NSD2: variants seen among roughly 807,000 people sequenced by gnomAD.
The protein encoded by NSD2 is histone-lysine N-methyltransferase NSD2.
In NSD2, 12 loss-of-function variants were observed where a neutral mutation model predicts 139.0. That is an observed-to-expected ratio of 0.09 (90% CI 0.06 to 0.14). The LOEUF (loss-of-function observed/expected upper bound fraction) is 0.14. Ranked by LOEUF, NSD2 falls within the 10% of genes least tolerant of loss-of-function variation. NSD2 has a pLI of 1.00. For missense variants in NSD2, 1,155 were observed against 1,745.0 expected (o/e 0.66, Z 6.02); for synonymous variants, 669 against 648.7 (o/e 1.03, Z -0.48).
At chr4:1,896,322 C>T (rs930212347) in intron 1 of NSD2, among the ~76,000 whole-genome samples, 44 of 152,370 alleles carry the variant, frequency 2.9e-4, no homozygotes, top group African/African-American at 1.1e-3. Context: ...GCCTATGAGG[C>T]TCCAGACTGC....
At chr4:1,959,335 A>T in intron 16 of NSD2, 136 bp from the exon 17 acceptor site, 1 of 914,750 alleles carries the variant, frequency 1.1e-6, no homozygotes, top group Non-Finnish European at 1.7e-6. Context: ...TGTTCTGAGT[A>T]GTGTGTCCTA....
In NSD2 at chr4:1,978,956, G is replaced by T; in HGVS notation, c.*47G>T. 2 of 1,447,766 alleles carry T rather than the reference G, an allele frequency of 1.4e-6. No individual in the cohort carries two copies. Among genetic ancestry groups the T allele is most frequent in the Non-Finnish European group, 1.8e-6 (2 of 1,098,210 alleles). 89.7% of individuals were successfully genotyped at this position (1,447,766 alleles called of 1,614,324 possible). On this transcript the variant is annotated 3_prime_UTR_variant, in exon 22 of 22. Transcript: ENST00000508803. The stretch of plus-strand genomic sequence containing the variant: ...GATCCAGGGGCGGTGCAGGGCGGCC[G>T]GCCCTGCCTGCGGGAGAGGGCGAGC...
intron 1 of NSD2, among the ~76,000 whole-genome samples, chr4:1,891,856 CA>C (rs74332369): frequency 9.5e-4 from 56 of 59,176 alleles, no homozygotes; most frequent in Admixed American, 1.2e-3. Flanking sequence ...GACTCCATCT[CA>C]AAAAAAAAAA....
chr4:1,948,066 C>G lies in NSD2; in HGVS notation c.1882-3006C>G. The G allele has an allele frequency of 9.5e-7, 1 of 1,057,506 alleles. No individual in the cohort carries two copies. Among genetic ancestry groups the G allele is most frequent in the Non-Finnish European group, 1.1e-6 (1 of 874,214 alleles). The allele number at this position is 1,057,506 out of a possible 1,614,324, so 65.5% of individuals were successfully genotyped here. The stretch of plus-strand genomic sequence containing the variant: ...AGATCAAGGAGACTGCATTCCCTGC[C>G]CTGAAGGAATGTATTTCTAAGGCAA... On this transcript the variant is annotated intron_variant, in intron 9 of 21. Coordinates refer to ENST00000508803, the MANE Select transcript of NSD2 (RefSeq NM_001042424.3). This position sits in a 1 kb window ranked among gnomAD's most constrained non-coding sequence, Gnocchi z 4.5.
intron 9 of NSD2, chr4:1,944,670 C>T (rs1375086025): frequency 9.4e-7 from 1 of 1,063,734 alleles, no homozygotes; most frequent in South Asian, 4.6e-5. Context: ...TCAGGTAGTG[C>T]ACATATTGGC....
At chr4:1,893,760 G>C (rs1465757121) in intron 1 of NSD2, 2 of 152,300 alleles carry the variant, frequency 1.3e-5, no homozygotes, top group Non-Finnish European at 2.9e-5. Flanking sequence ...GCCCAGGCTG[G>C]TCTCGAACTT....
intron 9 of NSD2, 68 bp downstream of exon 9, chr4:1,939,846 T>C (rs1722901400): frequency 6.2e-7 from 1 of 1,610,750 alleles, no homozygotes; most frequent in Admixed American, 1.7e-5. Context: ...CACGCTGCAG[T>C]GTGAGTAATG....
chr4:1,944,364 G>C (rs1560723683), intron 9 of NSD2: 1 of 1,065,938 alleles, frequency 9.4e-7, no homozygotes, highest in Non-Finnish European at 1.1e-6. Flanking sequence ...ATTTAACGTG[G>C]AATTCCTTCA....
In NSD2 at chr4:1,942,605, A is replaced by G. The variant is rs1194646234; in HGVS notation, c.1881+2827A>G. The G allele has an allele frequency of 1.2e-5, 16 of 1,294,224 alleles. No individual in the cohort carries two copies. Among genetic ancestry groups the G allele is most frequent in the Admixed American group, 3.8e-5 (1 of 26,414 alleles). The allele number at this position is 1,294,224 out of a possible 1,614,324, so 80.2% of individuals were successfully genotyped here. On this transcript the variant is annotated intron_variant, in intron 9 of 21. Coordinates refer to ENST00000508803, the MANE Select transcript of NSD2 (RefSeq NM_001042424.3). The surrounding 1 kb of genome is among the most constrained non-coding windows in gnomAD (Gnocchi z 4.0). ...CAAGGCCATTTAATCCGTCACATTC[A>G]TCTCATAATAGAAACACGTTCATAT...
At chr4:1,883,988 A>G (rs1411796491) in intron 1 of NSD2, among the ~76,000 whole-genome samples, 1 of 152,222 alleles carries the variant, frequency 6.6e-6, no homozygotes, top group Non-Finnish European at 1.5e-5. Context: ...ATTCTTCCTT[A>G]AGTGGGAGAG....
chr4:1,927,173 C>T lies in NSD2; in HGVS notation c.1411-3453C>T, dbSNP rs115892992. Among the ~76,000 whole-genome samples, 894 of 152,306 alleles carry T rather than the reference C, an allele frequency of 5.9e-3. 3 individuals carry two copies. The highest frequency in any genetic ancestry group is 0.01 in the Non-Finnish European group (683 of 68,018). On this transcript the variant is annotated intron_variant, in intron 5 of 21. Transcript: ENST00000508803. ...CTCTCCACAGGGCTGCTGGTGTGTC[C>T]TCACAACATGATGGGGGCTGGCTTT...
At chr4:1,953,862 G>C (rs1318708292) in intron 12 of NSD2, among the ~76,000 whole-genome samples, 8 of 150,262 alleles carry the variant, frequency 5.3e-5, no homozygotes, top group Non-Finnish European at 1.5e-5. Flanking sequence ...TGCAGTCACA[G>C]CTCACTGCAT....
chr4:1,877,317 C>CTA (rs955989650), intron 1 of NSD2, among the ~76,000 whole-genome samples: 10 of 152,292 alleles, frequency 6.6e-5, no homozygotes, highest in Admixed American at 6.5e-5. Flanking sequence ...CCTTGTCTTT[C>CTA]TAAAATACAG....
At chr4:1,929,295 A>G (rs945508262) in intron 5 of NSD2, among the ~76,000 whole-genome samples, 7 of 152,142 alleles carry the variant, frequency 4.6e-5, no homozygotes, top group African/African-American at 1.7e-4. Context: ...GTTTGGGGGC[A>G]GAGGTTACCT....
rs1727556208 is a variant in NSD2 at position 1,979,661 on chromosome 4, G to A, written c.*752G>A. On this transcript the variant is annotated 3_prime_UTR_variant, in exon 22 of 22. Coordinates refer to ENST00000508803, the MANE Select transcript of NSD2 (RefSeq NM_001042424.3). The stretch of plus-strand genomic sequence containing the variant: ...CCGGGTTGGGCCTACTTCTCACCTG[G>A]GCCTATCTTCTGAACTCGCTAGGTT... The A allele has an allele frequency of 8.6e-6, 2 of 232,396 alleles. No homozygotes were observed. Among genetic ancestry groups the A allele is most frequent in the African/African-American group, 2.2e-5 (1 of 45,280 alleles). The allele number at this position is 232,396 out of a possible 1,614,324, so 14.4% of individuals were successfully genotyped here.
At chr4:1,926,474 TTTA>T in intron 5 of NSD2, among the ~76,000 whole-genome samples, 1 of 151,938 alleles carries the variant, frequency 6.6e-6, no homozygotes, top group African/African-American at 2.4e-5. Flanking sequence ...TTTAATTTTT[TTTA>T]TTTTTATTTT....
chr4:1,878,923 G>T (rs1411071618), intron 1 of NSD2, among the ~76,000 whole-genome samples: 3 of 152,140 alleles, frequency 2.0e-5, no homozygotes. Context: ...TGCAGGAGAG[G>T]GTCCTTGGTC....
chr4:1,871,397 C>T lies in NSD2; in HGVS notation c.-175C>T, dbSNP rs932361345. ...GGGAGGCGCGGGGGCGGGGTCGGCG[C>T]CGCGCGCGAGAGCCTCGGCCTGGCC... On this transcript the variant is annotated 5_prime_UTR_variant, in exon 1 of 22. Transcript: ENST00000508803. 1.4e-4 allele frequency: 21 copies of T among 145,220 alleles called. No homozygotes were observed. The highest frequency in any genetic ancestry group is 4.9e-4 in the African/African-American group (20 of 40,508). 9.0% of individuals were successfully genotyped at this position (145,220 alleles called of 1,614,324 possible).
chr4:1,895,889 G>A (rs935942887), intron 1 of NSD2, among the ~76,000 whole-genome samples: 2 of 152,210 alleles, frequency 1.3e-5, no homozygotes, highest in South Asian at 4.1e-4. Context: ...TTTGCTGAGG[G>A]CCCAGCCCTG....
Sources: allele counts gnomAD v4.1 joint callset (sites outside exome capture counted in the v4.1 genomes callset), GRCh38; gene constraint gnomAD v4.1.1; non-coding constraint Gnocchi (gnomAD v3.1); transcripts MANE v1.5; gene names NCBI Gene and HGNC (gene_info 2026-07-23, HGNC 2026-07-21).